The following ABCA9 variants were observed in gnomAD, a reference collection of about 807,000 sequenced individuals.
The protein encoded by ABCA9 is ATP binding cassette subfamily A member 9.
ABCA9 carries 183 observed loss-of-function variants against 205.3 expected under a neutral mutation model. The ratio of observed to expected loss-of-function variants is 0.89; its 90% CI spans 0.79 to 1.01. The LOEUF is 1.01. Ranked by LOEUF, ABCA9 falls within the 50% of genes least tolerant of loss-of-function variation. The pLI is 0.00. For synonymous variants in ABCA9, 651 were observed against 683.3 expected (o/e 0.95, Z 0.74); for missense variants, 1,805 against 1,912.4 (o/e 0.94, Z 1.05).
At chr17:69,052,104 C>T (rs913594767) in intron 1 of ABCA9, among the ~76,000 whole-genome samples, 3 of 152,158 alleles carry the variant, frequency 2.0e-5, no homozygotes, top group African/African-American at 7.2e-5. Context: ...CATAAGGTGG[C>T]TCATGCCTGT....
Position 69,023,964 on chromosome 17 carries a change from ACGC to A in ABCA9, c.2281+247_2281+249del, listed in dbSNP as rs2070901521. 6.6e-6 allele frequency among the ~76,000 whole-genome samples: 1 copy of A among 151,816 alleles called. No homozygotes were observed. Among genetic ancestry groups the A allele is most frequent in the Non-Finnish European group, 1.5e-5 (1 of 68,000 alleles). On this transcript the variant is annotated intron_variant, in intron 17 of 38. Coordinates refer to ENST00000340001, the MANE Select transcript of ABCA9 (RefSeq NM_080283.4). This position sits in a 1 kb window ranked among gnomAD's most constrained non-coding sequence, Gnocchi z 4.2. ...TCTTATTTTATCTTGCTGCTAGCCT[ACGC>A]CTCTTAATTGCACTTAATTGACTTG...
At chr17:68,981,569 G>C (rs1225358233) in intron 37 of ABCA9, among the ~76,000 whole-genome samples, 1 of 152,112 alleles carries the variant, frequency 6.6e-6, no homozygotes, top group Non-Finnish European at 1.5e-5. Flanking sequence ...AACAGGATGA[G>C]AAAGTGAAAC....
In ABCA9 at chr17:69,012,065, A is replaced by G. The variant is rs772679477; in HGVS notation, c.3058T>C (p.Tyr1020His). The G allele has an allele frequency of 5.6e-6, 9 of 1,612,114 alleles. No individual in the cohort carries two copies. The highest frequency in any genetic ancestry group is 5.0e-5 in the Admixed American group (3 of 59,720). ...AAGAAGGTGTTACTTCGGTACCCAT[A>G]CTCATAATCCATATGCTCCTGAAAT... The part of the protein sequence containing the change: ...TFFEEHMDYE[Y>H]GYRSNTFFWI... Residue 1020 changes from tyrosine to histidine, a missense_variant, in exon 23 of 39, where the codon TAT becomes CAT. Tyr to His is a moderately conservative substitution (Grantham distance 83). Transcript: ENST00000340001.
intron 3 of ABCA9, among the ~76,000 whole-genome samples, chr17:69,047,038 T>C (rs2071742141): frequency 6.6e-6 from 1 of 151,028 alleles, no homozygotes; most frequent in Non-Finnish European, 1.5e-5. Context: ...CTCGGCTCAC[T>C]GCAACCTTCA....
At chr17:68,979,482 C>G (rs569603230) in intron 37 of ABCA9, among the ~76,000 whole-genome samples, 1 of 150,858 alleles carries the variant, frequency 6.6e-6, no homozygotes, top group African/African-American at 2.5e-5. Flanking sequence ...CCAAGTCAAT[C>G]CTAGTCCAAA....
chr17:68,978,395 A>G (rs2068947148), intron 37 of ABCA9, among the ~76,000 whole-genome samples: 1 of 152,132 alleles, frequency 6.6e-6, no homozygotes, highest in African/African-American at 2.4e-5. Flanking sequence ...TGAATACAGC[A>G]CACTGATGGG....
chr17:69,017,812 G>A, intron 20 of ABCA9, 23 bp from the exon 21 acceptor site: 1 of 1,606,166 alleles, frequency 6.2e-7, no homozygotes. Flanking sequence ...AAAGATTAAA[G>A]GAAGCAAAAA....
At chr17:69,041,965 TACGCCC>T (rs1263861849) in intron 6 of ABCA9, among the ~76,000 whole-genome samples, 1 of 152,196 alleles carries the variant, frequency 6.6e-6, no homozygotes, top group African/African-American at 2.4e-5. Flanking sequence ...CTATGTAGCA[TACGCCC>T]AGAACCCTTA....
chr17:68,978,896 T>C (rs1356773350), intron 37 of ABCA9, among the ~76,000 whole-genome samples: 2 of 152,088 alleles, frequency 1.3e-5, no homozygotes, highest in African/African-American at 2.4e-5. Flanking sequence ...ATGCCCTCTC[T>C]CACCACTCCT....
intron 23 of ABCA9, among the ~76,000 whole-genome samples, chr17:69,010,711 A>G (rs1227414753): frequency 6.6e-6 from 1 of 152,160 alleles, no homozygotes; most frequent in Non-Finnish European, 1.5e-5. Context: ...AATGATGATG[A>G]CTTAGACCAC....
At position 69,041,860 on chromosome 17, in the gene ABCA9, C is replaced by A. The variant is rs1385726747; in HGVS notation, c.800+1629G>T. ...ATAAACCAAAGAAGTAATTCATCTT[C>A]TCCACTTCTCCACCCGGTATATTGA... On this transcript the variant is annotated intron_variant, in intron 6 of 38. Coordinates refer to ENST00000340001, the MANE Select transcript of ABCA9 (RefSeq NM_080283.4). 2.0e-5 allele frequency among the ~76,000 whole-genome samples: 3 copies of A among 152,092 alleles called. No individual in the cohort carries two copies. In the East Asian group the frequency reaches 5.8e-4, roughly 29 times the overall value.
chr17:69,039,016 G>A (rs1231316034), intron 6 of ABCA9, among the ~76,000 whole-genome samples: 1 of 152,036 alleles, frequency 6.6e-6, no homozygotes, highest in Non-Finnish European at 1.5e-5. Flanking sequence ...GGGATACTAA[G>A]GACCTCTTCA....
intron 3 of ABCA9, among the ~76,000 whole-genome samples, chr17:69,048,433 C>T (rs994792715): frequency 1.3e-5 from 2 of 152,094 alleles, no homozygotes; most frequent in Non-Finnish European, 2.9e-5. Flanking sequence ...ACTTACGCCA[C>T]ATTGGCTGCT....
intron 3 of ABCA9, 84 bp from the exon 4 acceptor site, chr17:69,045,420 G>A: frequency 8.4e-7 from 1 of 1,190,090 alleles, no homozygotes; most frequent in South Asian, 2.0e-5. Context: ...GTTATTTTAT[G>A]TTAAAGCTAT....
At chr17:68,993,181 T>C in intron 26 of ABCA9, 97 bp from the exon 27 acceptor site, 1 of 999,092 alleles carries the variant, frequency 1.0e-6, no homozygotes, top group Non-Finnish European at 1.5e-6. Context: ...TCAATGGCCT[T>C]ACAACCATTC....
At chr17:69,012,911 C>T (rs142585489) in intron 22 of ABCA9, among the ~76,000 whole-genome samples, 21 of 152,154 alleles carry the variant, frequency 1.4e-4, no homozygotes, top group East Asian at 1.4e-3. Flanking sequence ...CATTTGACTA[C>T]GTCCATGAGT....
chr17:68,985,274 T>C, intron 32 of ABCA9, 146 bp from the exon 33 acceptor site: 2 of 947,836 alleles, frequency 2.1e-6, no homozygotes. Flanking sequence ...AGGTACTTTA[T>C]GAACCTTTCA....
chr17:69,007,986 G>A, intron 24 of ABCA9, 76 bp downstream of exon 24: 1 of 1,474,050 alleles, frequency 6.8e-7, no homozygotes, highest in East Asian at 2.3e-5. Flanking sequence ...GAAGTTCTTT[G>A]GTTTAAGATT....
chr17:68,982,531 C>A (rs1244473514), intron 37 of ABCA9, 31 bp downstream of exon 37: 1 of 1,550,096 alleles, frequency 6.5e-7, no homozygotes, highest in Non-Finnish European at 8.9e-7. Flanking sequence ...ATCTGTTTCC[C>A]AGAGTTTTGT....
Sources: allele counts gnomAD v4.1 joint callset (sites outside exome capture counted in the v4.1 genomes callset), GRCh38; gene constraint gnomAD v4.1.1; non-coding constraint Gnocchi (gnomAD v3.1); transcripts MANE v1.5; gene names NCBI Gene and HGNC (gene_info 2026-07-23, HGNC 2026-07-21).